The following MUC4 variants were observed in gnomAD, a reference collection of about 807,000 sequenced individuals.
MUC4 encodes the protein mucin-4.
Under a neutral mutation model 257.9 loss-of-function variants are expected in MUC4, and 202 were observed. The observed-to-expected ratio is 0.78, with a 90% CI of 0.70 to 0.88. The LOEUF (loss-of-function observed/expected upper bound fraction) is 0.88, where lower values mean the gene tolerates loss of function less well. Among genes scored for constraint, MUC4 ranks in the 40% least tolerant of loss-of-function variants. MUC4 has a pLI of 0.00. For synonymous variants in MUC4, 2,351 were observed against 2,757.1 expected, an observed-to-expected ratio of 0.85 and a Z score of 4.62; for missense variants, 5,976 against 6,513.7, an observed-to-expected ratio of 0.92 and a Z score of 2.84.
At position 195,752,439 on chromosome 3, in the gene MUC4, G is replaced by C. The variant is rs1716632361; in HGVS notation, c.15516C>G (p.Pro5172=). 1 of 1,613,780 alleles carries C rather than the reference G, an allele frequency of 6.2e-7. No homozygotes were observed. ...TGAGCAAGAGCTGGATGACTCTTAA[G>C]GGAAGTTCTGGAGATGGGAGAAGCA... is the stretch of plus-strand genomic sequence containing the variant. The part of the protein sequence containing the change: ...NFSPTVNLEL[P]LRVIQLLLSE... Residue 5172 remains proline (P), a synonymous_variant, in exon 21 of 25, where the codon CCC becomes CCG. Transcript: ENST00000463781.
Position 195,782,657 on chromosome 3 carries a change from T to C in MUC4, c.8923A>G (p.Thr2975Ala). 7.6e-7 allele frequency: 1 copy of C among 1,310,016 alleles called. No homozygotes were observed. The highest frequency in any genetic ancestry group is 1.0e-6 in the Non-Finnish European group (1 of 966,746). The allele number at this position is 1,310,016 out of a possible 1,614,324, so 81.1% of individuals were successfully genotyped here. A position where few individuals can be genotyped will look rare whatever the true frequency, so the allele number is the denominator to read the frequency against. Reference protein sequence around the residue: ...DTSSASTGHATPLPDTDTSSA... With the variant: ...DTSSASTGHAAPLPDTDTSSA... Reference sequence around the variant, plus strand: ...GAAGTGTCGGTGTCAGGAAGAGGGGTGGCGTGACCTGTGGATGCTGAGGAA... The same window carrying C: ...GAAGTGTCGGTGTCAGGAAGAGGGGCGGCGTGACCTGTGGATGCTGAGGAA... The change falls in exon 2 of 25, where the codon ACC (threonine) becomes GCC (alanine). Residue 2975 changes from threonine (T) to alanine (A), a missense_variant. By Grantham distance (58) the Thr-to-Ala change is moderately conservative. This residue lies in a region of MUC4 where 13 missense variants were observed against 52.4 expected (regional missense o/e 0.25). Transcript: ENST00000463781.
Position 195,749,001 on chromosome 3 carries a change from TAG to T in MUC4, c.15933_15934del (p.Tyr5312GlnfsTer14). ...GCAGGTGAAGCCGCTCTGGGGGCTG[TAG>T]ACCAGGTCGTAGCCCTTGTAGCCAT... On this transcript the variant is annotated frameshift_variant, in exon 24 of 25. Coordinates refer to ENST00000463781, the MANE Select transcript of MUC4 (RefSeq NM_018406.7). LOFTEE classifies it high-confidence loss of function. The T allele has an allele frequency of 6.2e-7, 1 of 1,609,924 alleles. No homozygotes were observed. Among genetic ancestry groups the T allele is most frequent in the South Asian group, 1.1e-5 (1 of 90,102 alleles).
chr3:195,805,778 T>C (rs1735912684), intron 1 of MUC4, among the ~76,000 whole-genome samples: 1 of 150,862 alleles, frequency 6.6e-6, no homozygotes, highest in Non-Finnish European at 1.5e-5. Flanking sequence ...ATGACAGCCA[T>C]GAGTCACTGT....
At chr3:195,767,331 C>G (rs1446351168) in intron 7 of MUC4, among the ~76,000 whole-genome samples, 3 of 151,986 alleles carry the variant, frequency 2.0e-5, no homozygotes, top group Non-Finnish European at 2.9e-5. Context: ...CTGAGTGAGG[C>G]CTTGATACAA....
At position 195,778,801 on chromosome 3, in the gene MUC4, A is replaced by G; in HGVS notation, c.12779T>C (p.Met4260Thr). 1.2e-6 allele frequency: 2 copies of G among 1,610,558 alleles called. No individual in the cohort carries two copies. The highest frequency in any genetic ancestry group is 1.7e-6 in the Non-Finnish European group (2 of 1,178,398). ...STVSSDSPLK[M>T]ETPGMTTPSL... Reference sequence around the variant, plus strand: ...CAGTTGGCAGCTACCTGGTGTTTCCATCTTCAGAGGGGAGTCCGAGGATAC... The same window carrying G: ...CAGTTGGCAGCTACCTGGTGTTTCCGTCTTCAGAGGGGAGTCCGAGGATAC... The change falls in exon 2 of 25, where the codon ATG (methionine) becomes ACG (threonine). Residue 4260 changes from methionine to threonine, a missense_variant. Physicochemically the swap from Met to Thr is moderately conservative, Grantham distance 81. Around this residue, in one of 44 missense-constraint regions of MUC4, gnomAD observed 233 missense variants for 171.2 expected, o/e 1.36. Coordinates refer to ENST00000463781, the MANE Select transcript of MUC4 (RefSeq NM_018406.7).
Position 195,771,685 on chromosome 3 carries a change from G to A in MUC4, c.13209C>T (p.Asp4403=). 1 of 1,613,932 alleles carries A rather than the reference G, an allele frequency of 6.2e-7. No individual in the cohort carries two copies. Among genetic ancestry groups the A allele is most frequent in the Non-Finnish European group, 8.5e-7 (1 of 1,179,850 alleles). ...ATGTGGTCCCCCGACCAGTGGAGAAGTCAGCATCGTCCCAGAACGGAGCCA... is the reference window on the plus strand; with the variant it reads ...ATGTGGTCCCCCGACCAGTGGAGAAATCAGCATCGTCCCAGAACGGAGCCA... ...ALVAPFWDDA[D]FSTGRGTTFY... Residue 4403 remains aspartate (D), a synonymous_variant, in exon 5 of 25, where the codon GAC becomes GAT. Coordinates refer to ENST00000463781, the MANE Select transcript of MUC4 (RefSeq NM_018406.7).
At chr3:195,776,413 A>G (rs1179760064) in intron 3 of MUC4, among the ~76,000 whole-genome samples, 6 of 51,442 alleles carry the variant, frequency 1.2e-4, no homozygotes, top group African/African-American at 8.2e-4. Flanking sequence ...TACCTTCCAC[A>G]CCCATACCTT....
At position 195,757,693 on chromosome 3, in the gene MUC4, G is replaced by T. The variant is rs1044536641; in HGVS notation, c.14987-365C>A. Among the ~76,000 whole-genome samples, 4 of 152,056 alleles carry T rather than the reference G, an allele frequency of 2.6e-5. No homozygotes were observed. The highest frequency in any genetic ancestry group is 9.7e-5 in the African/African-American group (4 of 41,390). ...AGACACCTCCCCAGGCTGCGCTGCC[G>T]GCCAAACTGGCTTCACTCTCACGGC... is the stretch of plus-strand genomic sequence containing the variant. On this transcript the variant is annotated intron_variant, in intron 17 of 24. Coordinates refer to ENST00000463781, the MANE Select transcript of MUC4 (RefSeq NM_018406.7). This position sits in a 1 kb window ranked among gnomAD's most constrained non-coding sequence, Gnocchi z 4.8.
At chr3:195,765,156 T>C (rs11926236) in intron 9 of MUC4, 34 bp from the exon 10 acceptor site, 1,552,184 of 1,599,032 alleles carry the variant, frequency 0.97, 753,482 homozygotes, top group East Asian at 1. Flanking sequence ...AGGCCCAGGC[T>C]GGGGCTGCCA....
intron 18 of MUC4, among the ~76,000 whole-genome samples, chr3:195,754,818 GTGTGTA>G (rs1717229965): frequency 5.5e-5 from 1 of 18,062 alleles, no homozygotes; most frequent in Admixed American, 5.2e-4. Flanking sequence ...ATGTATCCAT[GTGTGTA>G]TCCATGTGTG....
At chr3:195,807,528 A>G (rs900819325) in intron 1 of MUC4, among the ~76,000 whole-genome samples, 3 of 152,156 alleles carry the variant, frequency 2.0e-5, no homozygotes, top group Non-Finnish European at 1.5e-5. Context: ...AAAACCGTCT[A>G]TGAAGAAATC....
chr3:195,749,751 A>T (rs1340832319), intron 23 of MUC4: 2 of 152,302 alleles, frequency 1.3e-5, no homozygotes, highest in African/African-American at 4.8e-5. Context: ...GAATGATTTG[A>T]TCCTTCAGTA....
Position 195,784,256 on chromosome 3 carries a change from A to T in MUC4, c.7324T>A (p.Ser2442Thr). 7.3e-7 allele frequency: 1 copy of T among 1,372,454 alleles called. No homozygotes were observed. The highest frequency in any genetic ancestry group is 9.9e-7 in the Non-Finnish European group (1 of 1,006,102). 85.0% of individuals were successfully genotyped at this position (1,372,454 alleles called of 1,614,324 possible). Residue 2442 changes from serine (S) to threonine (T), a missense_variant, in exon 2 of 25, where the codon TCC becomes ACC. Ser to Thr is a moderately conservative substitution (Grantham distance 58, BLOSUM62 1). Transcript: ENST00000463781. ...GGAAGAGGGGTGGCATGACCTGTGG[A>T]TGCCGAGGAAACGTTGGTGACAGGA... ...RLPVTNVSSA[S>T]TGHATPLPVT...
intron 24 of MUC4, among the ~76,000 whole-genome samples, chr3:195,748,546 A>C (rs1196444212): frequency 6.6e-6 from 1 of 152,272 alleles, no homozygotes; most frequent in Non-Finnish European, 1.5e-5. Context: ...CCTGGGCGAC[A>C]AATGACACTC....
chr3:195,801,748 C>T (rs908246895), intron 1 of MUC4, among the ~76,000 whole-genome samples: 2 of 152,132 alleles, frequency 1.3e-5, no homozygotes, highest in East Asian at 1.9e-4. Context: ...CCAGTCCTCA[C>T]GCGTCTCATC....
Position 195,789,209 on chromosome 3 carries a change from C to G in MUC4, c.2371G>C (p.Ala791Pro). The change falls in exon 2 of 25, where the codon GCC (alanine) becomes CCC (proline). Residue 791 changes from alanine (A) to proline (P), a missense_variant. Coordinates refer to ENST00000463781, the MANE Select transcript of MUC4 (RefSeq NM_018406.7). The part of the protein sequence containing the change: ...ASGQTQTSEP[A>P]SSGSRTTSAG... ...GAGGTGGTTCGTGACCCTGAGGAGG[C>G]CGGTTCGCTGGTCTGTGTTTGTCCA... is the stretch of plus-strand genomic sequence containing the variant. 6.2e-7 allele frequency: 1 copy of G among 1,613,808 alleles called. No homozygotes were observed. Among genetic ancestry groups the G allele is most frequent in the South Asian group, 1.1e-5 (1 of 91,072 alleles).
chr3:195,778,212 G>A (rs1273804866), intron 3 of MUC4, 91 bp downstream of exon 3: 5 of 1,448,928 alleles, frequency 3.5e-6, no homozygotes, highest in Non-Finnish European at 4.6e-6. Flanking sequence ...CTCCCCACCC[G>A]AGAGAGCGGA....
rs759780933 is a variant in MUC4 at position 195,785,502 on chromosome 3, G to A, written c.6078C>T (p.Ser2026=). 8.6e-6 allele frequency: 13 copies of A among 1,506,916 alleles called. No homozygotes were observed. In the South Asian group the frequency reaches 1.3e-4, roughly 15 times the overall value. 93.3% of individuals were successfully genotyped at this position (1,506,916 alleles called of 1,614,324 possible). ...CAGGAAGCGGCGTGGTGTCACCAGT[G>A]GATGCTGAGGAAAGGCTGGTGACAG... ...PLPVTSLSSA[S]TGDTTPLPVT... The change falls in exon 2 of 25, where the codon TCC becomes TCT. Residue 2026 remains serine (S), a synonymous_variant. Transcript: ENST00000463781.
In MUC4 at chr3:195,810,694, GC is replaced by G. The variant is rs1736598306; in HGVS notation, c.82+1041del. ...CCGCCTCCTCCGCACCACCCTCCCGGCCGGCCTGCCCCTCTCCTCCTTGTCG... is the reference window on the plus strand; with the variant it reads ...CCGCCTCCTCCGCACCACCCTCCCGGCGGCCTGCCCCTCTCCTCCTTGTCG... On this transcript the variant is annotated intron_variant, in intron 1 of 24. Transcript: ENST00000463781. The surrounding 1 kb of genome is among the most constrained non-coding windows in gnomAD (Gnocchi z 4.2). Among the ~76,000 whole-genome samples the G allele has an allele frequency of 6.6e-6, 1 of 152,098 alleles. No individual in the cohort carries two copies. Among genetic ancestry groups the G allele is most frequent in the East Asian group, 1.9e-4 (1 of 5,178 alleles).
Sources: gnomAD v4.1 joint callset for allele counts (sites outside exome capture counted in the v4.1 genomes callset) on GRCh38, gnomAD v4.1.1 for gene constraint, gnomAD v4.1.1 regional missense constraint, Gnocchi (gnomAD v3.1) non-coding constraint, MANE v1.5 for transcripts, NCBI Gene and HGNC (gene_info 2026-07-23, HGNC 2026-07-21) for gene names.